CFAP69: variants seen among roughly 807,000 people sequenced by gnomAD.
CFAP69 encodes the protein cilia and flagella associated protein 69, also known as cilia- and flagella-associated protein 69.
CFAP69 carries 92 observed loss-of-function variants against 123.0 expected under a neutral mutation model. The observed-to-expected ratio is 0.75, with a 90% CI of 0.63 to 0.89. The LOEUF (loss-of-function observed/expected upper bound fraction) is 0.89. Among genes scored for constraint, CFAP69 ranks in the 40% least tolerant of loss-of-function variants. The pLI is 0.00. For synonymous variants in CFAP69, 380 were observed against 364.3 expected (o/e 1.04, Z -0.49); for missense variants, 1,067 against 1,096.9 (o/e 0.97, Z 0.39).
chr7:90,286,085 T>G (rs1343658439), intron 13 of CFAP69, among the ~76,000 whole-genome samples, 196 bp from the exon 14 acceptor site: 1 of 152,176 alleles, frequency 6.6e-6, no homozygotes, highest in Admixed American at 6.6e-5. Flanking sequence ...GAGGATTACT[T>G]GAGCTGAGGA....
chr7:90,258,454 C>T (rs949211595), intron 3 of CFAP69, among the ~76,000 whole-genome samples: 2 of 152,082 alleles, frequency 1.3e-5, no homozygotes, highest in African/African-American at 4.8e-5. Context: ...TGCCTCATGC[C>T]CTCTTCCCCC....
chr7:90,247,806 C>T (rs1313648713), intron 1 of CFAP69, among the ~76,000 whole-genome samples: 4 of 152,182 alleles, frequency 2.6e-5, no homozygotes, highest in African/African-American at 4.8e-5. Flanking sequence ...GATTGTGCCA[C>T]TGCACTCCAG....
In CFAP69 at chr7:90,245,269, G is replaced by A. The variant is rs1204044369; in HGVS notation, c.-156G>A. ...GCGCTAAGCGGACTGTATGGCGGTG[G>A]CCTAGGCCCCTGGCGGAATTTTGGG... On this transcript the variant is annotated 5_prime_UTR_variant, in exon 1 of 23. Transcript: ENST00000389297. 1 of 1,014,028 alleles carries A rather than the reference G, an allele frequency of 9.9e-7. No individual in the cohort carries two copies. Among genetic ancestry groups the A allele is most frequent in the Non-Finnish European group, 1.3e-6 (1 of 746,232 alleles). 62.8% of individuals were successfully genotyped at this position (1,014,028 alleles called of 1,614,324 possible). A position where few individuals can be genotyped will look rare whatever the true frequency, so the allele number is the denominator to read the frequency against.
At chr7:90,316,624 G>GT in the CFAP69 span, 1 of 152,136 alleles carries the variant, frequency 6.6e-6, no homozygotes, top group Non-Finnish European at 1.5e-5. Context: ...GAAAGAAAAA[G>GT]TTTTTTTATA....
intron 3 of CFAP69, among the ~76,000 whole-genome samples, chr7:90,259,733 G>T (rs13247261): frequency 6.6e-6 from 1 of 151,852 alleles, no homozygotes; most frequent in African/African-American, 2.4e-5. Flanking sequence ...CAATCCTCTC[G>T]CCTCGGCCTC....
At chr7:90,294,746 A>T (rs1321932733) in intron 15 of CFAP69, among the ~76,000 whole-genome samples, 1 of 152,210 alleles carries the variant, frequency 6.6e-6, no homozygotes, top group African/African-American at 2.4e-5. Context: ...ACCCCTCTTT[A>T]TGACAGAACA....
chr7:90,255,547 A>G, intron 2 of CFAP69, 65 bp downstream of exon 2: 3 of 1,209,344 alleles, frequency 2.5e-6, no homozygotes, highest in Non-Finnish European at 1.2e-6. Flanking sequence ...CTGAAAGGTA[A>G]CATATATTCC....
At chr7:90,279,977 G>A in intron 12 of CFAP69, 84 bp downstream of exon 12, 1 of 1,017,420 alleles carries the variant, frequency 9.8e-7, no homozygotes, top group African/African-American at 1.6e-5. Context: ...AAATAACAAT[G>A]AAGTTAATTA....
Position 90,304,084 on chromosome 7 carries a change from T to C in CFAP69, c.2166T>C (p.Ile722=). ...TTTCTGAGAATATTAGAGCAAAAAT[T>C]TATGCTATATTGGGCAAACTAGGTA... ...MDVSENIRAK[I]YAILGKLDFE... is the part of the protein sequence containing the mutation. The change falls in exon 18 of 23, where the codon ATT becomes ATC. Residue 722 remains isoleucine, a synonymous_variant. Coordinates refer to ENST00000389297, the MANE Select transcript of CFAP69 (RefSeq NM_001039706.3). The C allele has an allele frequency of 7.1e-6, 11 of 1,550,616 alleles. No homozygotes were observed. Among genetic ancestry groups the C allele is most frequent in the Non-Finnish European group, 9.6e-6 (11 of 1,146,364 alleles).
At chr7:90,250,187 GGAGAGAGAGAGAGAGA>G (rs10527106) in intron 1 of CFAP69, among the ~76,000 whole-genome samples, 18,922 of 125,724 alleles carry the variant, frequency 0.15, 2,816 homozygotes, top group East Asian at 0.63. Context: ...TTTAAAGAGA[GGAGAGAGAGAGAGAGA>G]GAGAGAGAGA....
Position 90,282,997 on chromosome 7 carries a change from T to C in CFAP69, c.1478T>C (p.Leu493Pro). 6.3e-7 allele frequency: 1 copy of C among 1,591,824 alleles called. No homozygotes were observed. Among genetic ancestry groups the C allele is most frequent in the Admixed American group, 1.8e-5 (1 of 56,500 alleles). Residue 493 changes from leucine (L) to proline (P), a missense_variant, in exon 13 of 23, where the codon CTT (leucine) becomes CCT (proline). Physicochemically the swap from Leu to Pro is moderately conservative, Grantham distance 98. Transcript: ENST00000389297. Reference protein sequence around the residue: ...SLRLLRAVVYLEDETVNKDLC... With the variant: ...SLRLLRAVVYPEDETVNKDLC... ...AGACTCCTGAGAGCCGTGGTCTACCTTGAAGATGAGACTGTAAACAAAGAT... is the reference window on the plus strand; with the variant it reads ...AGACTCCTGAGAGCCGTGGTCTACCCTGAAGATGAGACTGTAAACAAAGAT...
intron 1 of CFAP69, among the ~76,000 whole-genome samples, chr7:90,251,631 G>A (rs917292756): frequency 3.3e-5 from 5 of 152,010 alleles, no homozygotes; most frequent in African/African-American, 1.2e-4. Flanking sequence ...CATGAGGTGA[G>A]GACATTGTTA....
chr7:90,300,358 A>G, intron 17 of CFAP69: 1 of 900,428 alleles, frequency 1.1e-6, no homozygotes, highest in Non-Finnish European at 1.3e-6. Flanking sequence ...GCTTTTATAG[A>G]TAGATTCAAT....
chr7:90,291,005 T>A (rs1446250333), intron 15 of CFAP69, among the ~76,000 whole-genome samples: 1 of 151,988 alleles, frequency 6.6e-6, no homozygotes, highest in Non-Finnish European at 1.5e-5. Context: ...CTTGATTCCA[T>A]GTGAGCTGCA....
chr7:90,271,439 G>A lies in CFAP69; in HGVS notation c.533-87G>A, dbSNP rs1584398312. 3 of 1,387,822 alleles carry A rather than the reference G, an allele frequency of 2.2e-6. No individual in the cohort carries two copies. In the East Asian group the frequency reaches 7.0e-5, roughly 32 times the overall value. 86.0% of individuals were successfully genotyped at this position (1,387,822 alleles called of 1,614,324 possible). A position where few individuals can be genotyped will look rare whatever the true frequency, so the allele number is the denominator to read the frequency against. On this transcript the variant is annotated intron_variant, in intron 6 of 22. Transcript: ENST00000389297. Reference sequence around the variant, plus strand: ...ATACTTTTAAAAAGTTTTTCTTGCTGTTGCTTAATAATAAATTACTCATTC... The same window carrying A: ...ATACTTTTAAAAAGTTTTTCTTGCTATTGCTTAATAATAAATTACTCATTC...
chr7:90,291,744 T>C (rs1395152598), intron 15 of CFAP69, among the ~76,000 whole-genome samples: 1 of 152,142 alleles, frequency 6.6e-6, no homozygotes, highest in Non-Finnish European at 1.5e-5. Context: ...ACAGGGGAGC[T>C]CAGTCAGAAA....
Position 90,306,945 on chromosome 7 carries a change from A to G in CFAP69, c.2310A>G (p.Glu770=), listed in dbSNP as rs767345380. 2.4e-5 allele frequency: 38 copies of G among 1,571,108 alleles called. No homozygotes were observed. In the South Asian group the frequency reaches 4.3e-4, roughly 18 times the overall value. Residue 770 remains glutamate, a synonymous_variant, in exon 20 of 23, where the codon GAA becomes GAG. Coordinates refer to ENST00000389297, the MANE Select transcript of CFAP69 (RefSeq NM_001039706.3). ...AAATATATGAAGAAATAAAATTAGA[A>G]AAATTAAGACCAGTCACTACAGATA... ...WNEIYEEIKL[E]KLRPVTTDKK...
chr7:90,245,388 G>C lies in CFAP69; in HGVS notation c.-37G>C. On this transcript the variant is annotated 5_prime_UTR_variant, in exon 1 of 23. Transcript: ENST00000389297. ...CGGCTGCGGGCGCACTGTAGGACAG[G>C]AAGATCCCCCCACTCTCCACCCCGC... 2 of 1,504,930 alleles carry C rather than the reference G, an allele frequency of 1.3e-6. No individual in the cohort carries two copies. The highest frequency in any genetic ancestry group is 1.8e-6 in the Non-Finnish European group (2 of 1,127,410). 93.2% of individuals were successfully genotyped at this position (1,504,930 alleles called of 1,614,324 possible). A position where few individuals can be genotyped will look rare whatever the true frequency, so the allele number is the denominator to read the frequency against.
At position 90,245,372 on chromosome 7, in the gene CFAP69, G is replaced by A; in HGVS notation, c.-53G>A. ...GCCTCTTTGGGCCCAGCGGCTGCGG[G>A]CGCACTGTAGGACAGGAAGATCCCC... is the stretch of plus-strand genomic sequence containing the variant. On this transcript the variant is annotated 5_prime_UTR_variant, in exon 1 of 23. Coordinates refer to ENST00000389297, the MANE Select transcript of CFAP69 (RefSeq NM_001039706.3). 3.4e-6 allele frequency: 5 copies of A among 1,454,958 alleles called. No individual in the cohort carries two copies. In the South Asian group the frequency reaches 7.2e-5, roughly 21 times the overall value. 90.1% of individuals were successfully genotyped at this position (1,454,958 alleles called of 1,614,324 possible).
Sources: gnomAD v4.1 joint callset for allele counts (sites outside exome capture counted in the v4.1 genomes callset) on GRCh38, gnomAD v4.1.1 for gene constraint, MANE v1.5 for transcripts, NCBI Gene and HGNC (gene_info 2026-07-23, HGNC 2026-07-21) for gene names.